CTNNBL1: variants seen among roughly 807,000 people sequenced by gnomAD.
CTNNBL1 encodes the protein beta-catenin-like protein 1.
In CTNNBL1, 31 loss-of-function variants were observed where a neutral mutation model predicts 72.7. The observed-to-expected ratio is 0.43, with a 90% CI of 0.32 to 0.58. The LOEUF (loss-of-function observed/expected upper bound fraction) is 0.58. CTNNBL1 is among the 20% of genes least tolerant of loss of function. CTNNBL1 has a pLI of 0.08. For synonymous variants in CTNNBL1, 240 were observed against 267.3 expected, an observed-to-expected ratio of 0.90 and a Z score of 1.00; for missense variants, 534 against 725.1, an observed-to-expected ratio of 0.74 and a Z score of 3.03.
chr20:37,845,349 T>C (rs1907626603), intron 13 of CTNNBL1, among the ~76,000 whole-genome samples: 1 of 152,204 alleles, frequency 6.6e-6, no homozygotes, highest in African/African-American at 2.4e-5. Context: ...GGTGTGAAAT[T>C]GATTAGCACT....
At chr20:37,725,433 A>C (rs1157581350) in intron 1 of CTNNBL1, among the ~76,000 whole-genome samples, 1 of 151,790 alleles carries the variant, frequency 6.6e-6, no homozygotes, top group Non-Finnish European at 1.5e-5. Flanking sequence ...AGTAGCTGGG[A>C]TTACAGGCAC....
At chr20:37,727,971 G>C (rs2073098831) in intron 1 of CTNNBL1, among the ~76,000 whole-genome samples, 1 of 152,240 alleles carries the variant, frequency 6.6e-6, no homozygotes, top group African/African-American at 2.4e-5. Context: ...TCAGGGTGTT[G>C]AGTTAGCTTC....
At chr20:37,706,802 A>G (rs1459957122) in intron 1 of CTNNBL1, among the ~76,000 whole-genome samples, 1 of 152,242 alleles carries the variant, frequency 6.6e-6, no homozygotes, top group Admixed American at 6.5e-5. Context: ...AAGAATCACT[A>G]TCCATGGCAG....
intron 11 of CTNNBL1, among the ~76,000 whole-genome samples, chr20:37,804,253 C>G (rs1230479131): frequency 1.3e-5 from 2 of 152,178 alleles, no homozygotes; most frequent in Non-Finnish European, 2.9e-5. Flanking sequence ...CAAAATGAGT[C>G]CCTGGGAGAG....
chr20:37,733,129 CA>C lies in CTNNBL1; in HGVS notation c.219+65del, dbSNP rs1167825840. On this transcript the variant is annotated intron_variant, in intron 2 of 15. Transcript: ENST00000361383. ...GGCCCTGTAAAACGTAATTTTGGGC[CA>C]AATACTAAGCTTGTCTGAGCTTCCC... The C allele has an allele frequency of 5.9e-5, 85 of 1,446,644 alleles. 1 individual carries two copies. In the Middle Eastern group the frequency reaches 1.2e-3, roughly 20 times the overall value. 89.6% of individuals were successfully genotyped at this position (1,446,644 alleles called of 1,614,324 possible).
intron 11 of CTNNBL1, among the ~76,000 whole-genome samples, chr20:37,820,021 C>T (rs965344272): frequency 3.3e-5 from 5 of 151,892 alleles, no homozygotes; most frequent in African/African-American, 7.3e-5. Flanking sequence ...ACTATAAGCA[C>T]GCACCATCAC....
chr20:37,792,518 T>C (rs542235525), intron 10 of CTNNBL1, among the ~76,000 whole-genome samples: 53 of 152,360 alleles, frequency 3.5e-4, no homozygotes, highest in African/African-American at 1.2e-3. Context: ...CAGTGTTTAA[T>C]TTGCTATTCT....
At chr20:37,771,063 CTT>C (rs2073518619) in intron 7 of CTNNBL1, among the ~76,000 whole-genome samples, 1 of 152,188 alleles carries the variant, frequency 6.6e-6, no homozygotes, top group South Asian at 2.1e-4. Flanking sequence ...GTAACGGCCT[CTT>C]AACTTTTCTG....
In CTNNBL1 at chr20:37,837,546, C is replaced by T. The variant is rs979789331; in HGVS notation, c.1214-2556C>T. ...GGCGCCCTCAGAAAAAGCTGTTTAC[C>T]TGCTCCCACGTACAAAAACTCTTTA... On this transcript the variant is annotated intron_variant, in intron 11 of 15. Transcript: ENST00000361383. 4.6e-5 allele frequency among the ~76,000 whole-genome samples: 7 copies of T among 152,130 alleles called. No homozygotes were observed. In the South Asian group the frequency reaches 1.4e-3, roughly 31 times the overall value.
chr20:37,838,980 G>A (rs1444792796), intron 11 of CTNNBL1, among the ~76,000 whole-genome samples: 8 of 152,202 alleles, frequency 5.3e-5, no homozygotes, highest in Admixed American at 6.5e-5. Context: ...CAGAGGACAG[G>A]ACTGACCTAT....
intron 1 of CTNNBL1, among the ~76,000 whole-genome samples, chr20:37,725,019 C>T (rs549766004): frequency 7.1e-4 from 108 of 151,516 alleles, no homozygotes; most frequent in African/African-American, 2.5e-3. Context: ...GATCCTCTCA[C>T]CTCAGCCTCC....
chr20:37,741,872 A>G (rs2073219014), intron 3 of CTNNBL1, among the ~76,000 whole-genome samples: 1 of 152,008 alleles, frequency 6.6e-6, no homozygotes, highest in Non-Finnish European at 1.5e-5. Flanking sequence ...TTATTTTGAT[A>G]ATTTTCTGAC....
chr20:37,867,660 C>T lies in CTNNBL1; in HGVS notation c.1604-4265C>T, dbSNP rs184770619. Among the ~76,000 whole-genome samples the T allele has an allele frequency of 1.6e-4, 25 of 152,222 alleles. 1 individual carries two copies. In the East Asian group the frequency reaches 4.8e-3, roughly 29 times the overall value. On this transcript the variant is annotated intron_variant, in intron 15 of 15. Coordinates refer to ENST00000361383, the MANE Select transcript of CTNNBL1 (RefSeq NM_030877.5). ...TCTCTCCCCTCATCCTTTTCTCCCT[C>T]TCCCCTCATCCTGCAGTCTCTTTTC...
At chr20:37,864,097 G>A (rs1468164179) in intron 15 of CTNNBL1, among the ~76,000 whole-genome samples, 1 of 152,088 alleles carries the variant, frequency 6.6e-6, no homozygotes, top group Non-Finnish European at 1.5e-5. Context: ...AGGTTGACAA[G>A]GTTGAGACTC....
Position 37,777,046 on chromosome 20 carries a change from G to A in CTNNBL1, c.751-299G>A, listed in dbSNP as rs538522854. ...TCTCATTCATCTAGTTCACATTTGG[G>A]TACTATGGGCTAGACATATATAATC... On this transcript the variant is annotated intron_variant, in intron 7 of 15. Coordinates refer to ENST00000361383, the MANE Select transcript of CTNNBL1 (RefSeq NM_030877.5). Among the ~76,000 whole-genome samples, 76 of 152,018 alleles carry A rather than the reference G, an allele frequency of 5.0e-4. 2 individuals are homozygous for A. The highest frequency in any genetic ancestry group is 2.9e-4 in the Non-Finnish European group (20 of 68,006).
intron 6 of CTNNBL1, 52 bp from the exon 7 acceptor site, chr20:37,767,901 C>G (rs1422055510): frequency 2.8e-6 from 4 of 1,439,812 alleles, no homozygotes; most frequent in Non-Finnish European, 3.9e-6. Context: ...AAGCTTGTTG[C>G]AGATGGAAAC....
chr20:37,780,943 A>G (rs929019184), intron 10 of CTNNBL1, among the ~76,000 whole-genome samples: 3 of 152,148 alleles, frequency 2.0e-5, no homozygotes, highest in Non-Finnish European at 4.4e-5. Flanking sequence ...AAAATATATT[A>G]TCTTTAAAAG....
chr20:37,779,414 TATG>T, intron 10 of CTNNBL1, 79 bp downstream of exon 10: 3 of 1,491,538 alleles, frequency 2.0e-6, no homozygotes, highest in Admixed American at 3.6e-5. Context: ...AGCATGTAGC[TATG>T]ATCATTTATT....
intron 11 of CTNNBL1, among the ~76,000 whole-genome samples, chr20:37,804,620 T>C (rs1395352614): frequency 6.6e-6 from 1 of 152,212 alleles, no homozygotes; most frequent in Non-Finnish European, 1.5e-5. Context: ...CAGGGTTGCC[T>C]GTGAGCCAGG....
Sources: allele counts gnomAD v4.1 joint callset (sites outside exome capture counted in the v4.1 genomes callset), GRCh38; gene constraint gnomAD v4.1.1; transcripts MANE v1.5; gene names NCBI Gene and HGNC (gene_info 2026-07-23, HGNC 2026-07-21).